Variants in SLC14A2 observed in about 807,000 individuals in gnomAD.
SLC14A2 encodes the protein urea transporter 2.
In SLC14A2, 91 loss-of-function variants were observed where a neutral mutation model predicts 104.6. The observed-to-expected ratio is 0.87, with a 90% CI of 0.73 to 1.04. The LOEUF is 1.04. Among genes scored for constraint, SLC14A2 ranks in the 50% least tolerant of loss-of-function variants. The pLI is 0.00. For missense variants in SLC14A2, 1,189 were observed against 1,156.0 expected, an observed-to-expected ratio of 1.03 and a Z score of -0.41; for synonymous variants, 476 against 466.4, an observed-to-expected ratio of 1.02 and a Z score of -0.27.
intron 1 of SLC14A2, among the ~76,000 whole-genome samples, chr18:45,414,751 AAAAAAAATATATATATATATATATAT>A (rs2086252513): frequency 1.4e-5 from 1 of 70,876 alleles, no homozygotes. Flanking sequence ...GCGTAAAAAA[AAAAAAAATATATATATATATATATAT>A]ATATATATAT....
chr18:45,630,885 C>T (rs2045334011), intron 4 of SLC14A2, among the ~76,000 whole-genome samples: 1 of 152,148 alleles, frequency 6.6e-6, no homozygotes, highest in South Asian at 2.1e-4. Flanking sequence ...ACACATGTGC[C>T]TTGTGCTACA....
At chr18:45,242,683 T>C (rs963172317) in intron 1 of SLC14A2, among the ~76,000 whole-genome samples, 5 of 152,212 alleles carry the variant, frequency 3.3e-5, no homozygotes, top group African/African-American at 1.2e-4. Flanking sequence ...AAGCACCGTA[T>C]CTAAAATTGT....
chr18:45,639,155 G>A (rs1267803614), intron 6 of SLC14A2, among the ~76,000 whole-genome samples: 1 of 152,182 alleles, frequency 6.6e-6, no homozygotes, highest in Non-Finnish European at 1.5e-5. Context: ...CCTTTCCAAA[G>A]GCTCACAACC....
chr18:45,451,425 A>G (rs2086855877), intron 1 of SLC14A2, among the ~76,000 whole-genome samples: 1 of 152,034 alleles, frequency 6.6e-6, no homozygotes, highest in South Asian at 2.1e-4. Context: ...TACAAATTCA[A>G]AGGAAGGAAA....
At chr18:45,567,226 G>A (rs1030139900) in intron 2 of SLC14A2, among the ~76,000 whole-genome samples, 4 of 151,880 alleles carry the variant, frequency 2.6e-5, no homozygotes, top group Non-Finnish European at 5.9e-5. Flanking sequence ...GAAGGCCAAC[G>A]CCCACCCCCA....
At chr18:45,169,200 T>A in the SLC14A2 span, 1 of 152,244 alleles carries the variant, frequency 6.6e-6, no homozygotes, top group Non-Finnish European at 1.5e-5. Context: ...AGTCATGTTA[T>A]TTAAAGCCAA....
At chr18:45,514,493 G>A (rs185490506) in intron 2 of SLC14A2, among the ~76,000 whole-genome samples, 32 of 152,320 alleles carry the variant, frequency 2.1e-4, no homozygotes, top group Admixed American at 1.0e-3. Context: ...TGGGGACATA[G>A]AGCCAAACCA....
chr18:45,350,199 C>G (rs907656820), intron 1 of SLC14A2, among the ~76,000 whole-genome samples: 1 of 152,104 alleles, frequency 6.6e-6, no homozygotes, highest in Non-Finnish European at 1.5e-5. Flanking sequence ...GAGAAACGTG[C>G]GAGAAACAGA....
intron 2 of SLC14A2, among the ~76,000 whole-genome samples, chr18:45,555,354 G>C (rs577711256): frequency 6.6e-6 from 1 of 152,202 alleles, no homozygotes; most frequent in Non-Finnish European, 1.5e-5. Flanking sequence ...TCAACTTTCT[G>C]ATGGTATAAA....
chr18:45,672,393 G>A (rs1432654103), intron 16 of SLC14A2, among the ~76,000 whole-genome samples: 1 of 152,146 alleles, frequency 6.6e-6, no homozygotes, highest in Non-Finnish European at 1.5e-5. Flanking sequence ...GCCAGGCATG[G>A]CGGCATATGC....
intron 1 of SLC14A2, among the ~76,000 whole-genome samples, chr18:45,277,654 C>T (rs1486056460): frequency 2.0e-5 from 3 of 152,154 alleles, no homozygotes; most frequent in African/African-American, 7.2e-5. Flanking sequence ...AGCAATCCAC[C>T]CACCTTGGCC....
intron 1 of SLC14A2, among the ~76,000 whole-genome samples, chr18:45,389,601 T>G (rs866877746): frequency 6.6e-6 from 1 of 152,246 alleles, no homozygotes; most frequent in African/African-American, 2.4e-5. Flanking sequence ...TTTAGGAATT[T>G]TCTACCAAAG....
At chr18:45,533,696 C>T (rs759190476) in intron 2 of SLC14A2, among the ~76,000 whole-genome samples, 41 of 152,088 alleles carry the variant, frequency 2.7e-4, no homozygotes, top group African/African-American at 8.9e-4. Context: ...GTCTCTATTT[C>T]CTTCAGTTCT....
At chr18:45,523,698 A>G (rs2043551008) in intron 2 of SLC14A2, among the ~76,000 whole-genome samples, 1 of 152,008 alleles carries the variant, frequency 6.6e-6, no homozygotes, top group African/African-American at 2.4e-5. Context: ...TGCAAATGAT[A>G]CATCCTGCCT....
intron 2 of SLC14A2, among the ~76,000 whole-genome samples, chr18:45,525,779 G>C (rs2043587520): frequency 6.6e-6 from 1 of 152,068 alleles, no homozygotes; most frequent in Non-Finnish European, 1.5e-5. Flanking sequence ...ACATACAATG[G>C]GTCACAATGC....
chr18:45,433,976 A>T (rs1383530915), intron 1 of SLC14A2, among the ~76,000 whole-genome samples: 1 of 152,206 alleles, frequency 6.6e-6, no homozygotes. Flanking sequence ...ATACTTACTC[A>T]GGGCTCCTGT....
At chr18:45,308,030 G>T (rs949490671) in intron 1 of SLC14A2, among the ~76,000 whole-genome samples, 1 of 152,102 alleles carries the variant, frequency 6.6e-6, no homozygotes, top group South Asian at 2.1e-4. Flanking sequence ...TGAGAGAGGG[G>T]CCACGCTGTT....
intron 1 of SLC14A2, among the ~76,000 whole-genome samples, chr18:45,447,821 T>A (rs942376513): frequency 6.6e-6 from 1 of 152,214 alleles, no homozygotes; most frequent in African/African-American, 2.4e-5. Context: ...AAGCCTGAAT[T>A]TTCTTTTAGT....
At chr18:45,190,391 T>G in the SLC14A2 span, among the ~76,000 whole-genome samples, 6 of 152,162 alleles carry the variant, frequency 3.9e-5, no homozygotes, top group African/African-American at 9.7e-5. Context: ...AAATCCTGCT[T>G]TAGATTCCTG....
Sources: allele counts gnomAD v4.1 joint callset (sites outside exome capture counted in the v4.1 genomes callset), GRCh38; gene constraint gnomAD v4.1.1; transcripts MANE v1.5; gene names NCBI Gene and HGNC (gene_info 2026-07-23, HGNC 2026-07-21).